Variants in TAOK1 observed in about 807,000 individuals in gnomAD.
TAOK1 encodes the protein TAO kinase 1.
In TAOK1, 21 loss-of-function variants were observed where a neutral mutation model predicts 138.3. That is an observed-to-expected ratio of 0.15 (90% CI 0.11 to 0.22). The LOEUF (loss-of-function observed/expected upper bound fraction) is 0.22, where lower values mean the gene tolerates loss of function less well. TAOK1 is among the 10% of genes least tolerant of loss of function. The pLI, the probability that TAOK1 is intolerant of heterozygous loss-of-function variation, is 1.00. For missense variants in TAOK1, 651 were observed against 1,227.7 expected (o/e 0.53, Z 7.02); for synonymous variants, 361 against 398.4 (o/e 0.91, Z 1.12).
chr17:29,429,141 A>G (rs1047179045), intron 1 of TAOK1, among the ~76,000 whole-genome samples: 3 of 152,132 alleles, frequency 2.0e-5, no homozygotes, highest in African/African-American at 7.2e-5. Context: ...ATGGAAGCAG[A>G]TGGGAAGTAT....
intron 17 of TAOK1, 101 bp from the exon 18 acceptor site, chr17:29,530,306 C>A: frequency 9.3e-7 from 1 of 1,075,892 alleles, no homozygotes; most frequent in East Asian, 2.6e-5. Flanking sequence ...GCTTTCCTCT[C>A]ATTTTTTTCC....
chr17:29,401,372 C>G (rs946499750), intron 1 of TAOK1, among the ~76,000 whole-genome samples: 8 of 152,142 alleles, frequency 5.3e-5, no homozygotes, highest in Admixed American at 2.6e-4. Flanking sequence ...AACTTACAAT[C>G]ATAGCGGAAG....
intron 15 of TAOK1, among the ~76,000 whole-genome samples, chr17:29,516,135 A>G (rs1392724001): frequency 6.8e-6 from 1 of 146,752 alleles, no homozygotes; most frequent in Admixed American, 6.8e-5. Flanking sequence ...CTAATTTTGT[A>G]TTTTTAGTAG....
intron 6 of TAOK1, among the ~76,000 whole-genome samples, chr17:29,479,145 C>CAAA (rs373418404): frequency 3.6e-5 from 3 of 83,032 alleles, no homozygotes; most frequent in Non-Finnish European, 5.3e-5. Context: ...AACTCTGTCT[C>CAAA]AAAAAAAAAA....
At chr17:29,471,276 C>CTTTTT (rs759764241) in intron 3 of TAOK1, among the ~76,000 whole-genome samples, 36 of 81,820 alleles carry the variant, frequency 4.4e-4, no homozygotes, top group Non-Finnish European at 6.1e-4. Context: ...TATTTTCTTT[C>CTTTTT]TTTTTTTTTT....
At position 29,502,738 on chromosome 17, in the gene TAOK1, G is replaced by A. The variant is rs779158207; in HGVS notation, c.1338+15G>A. The A allele has an allele frequency of 1.9e-5, 30 of 1,599,486 alleles. No individual in the cohort carries two copies. The highest frequency in any genetic ancestry group is 1.4e-4 in the South Asian group (12 of 87,616). On this transcript the variant is annotated intron_variant, in intron 13 of 19. Coordinates refer to ENST00000261716, the MANE Select transcript of TAOK1 (RefSeq NM_020791.4). Reference sequence around the variant, plus strand: ...CAGCATCACTGGTATGTACTTACCCGAATTAGAGATAAATATATTTTTCAT... The same window carrying A: ...CAGCATCACTGGTATGTACTTACCCAAATTAGAGATAAATATATTTTTCAT...
chr17:29,516,989 A>AT (rs770682970), intron 15 of TAOK1, among the ~76,000 whole-genome samples: 4,076 of 140,062 alleles, frequency 0.029, 153 homozygotes, highest in African/African-American at 0.095. Context: ...TACCCAGCTA[A>AT]TTTTTTTTTT....
chr17:29,478,912 GGAGTTC>G (rs2031000287), intron 6 of TAOK1, among the ~76,000 whole-genome samples: 1 of 152,178 alleles, frequency 6.6e-6, no homozygotes, highest in Non-Finnish European at 1.5e-5. Flanking sequence ...CTTGAGGTCA[GGAGTTC>G]GAGACCAGCC....
At chr17:29,430,191 G>A (rs1905780186) in intron 1 of TAOK1, among the ~76,000 whole-genome samples, 1 of 152,198 alleles carries the variant, frequency 6.6e-6, no homozygotes, top group Admixed American at 6.5e-5. Flanking sequence ...CGAAAGCAGG[G>A]ATTTATTGAA....
At chr17:29,491,749 G>A (rs370436626) in intron 9 of TAOK1, 35 bp from the exon 10 acceptor site, 20 of 1,434,832 alleles carry the variant, frequency 1.4e-5, no homozygotes, top group East Asian at 2.3e-5. Context: ...AAAGGAAATA[G>A]CAATGTGTTC....
intron 1 of TAOK1, among the ~76,000 whole-genome samples, chr17:29,431,315 G>T (rs973778295): frequency 2.0e-5 from 3 of 152,088 alleles, no homozygotes; most frequent in Non-Finnish European, 4.4e-5. Context: ...GGTGGTGTGT[G>T]CCTGTAGTCT....
Position 29,392,992 on chromosome 17 carries a change from AT to A in TAOK1, c.-95+1977del, listed in dbSNP as rs571199575. Among the ~76,000 whole-genome samples the A allele has an allele frequency of 9.9e-5, 15 of 151,088 alleles. No individual in the cohort carries two copies. The South Asian group carries it at 2.5e-3, about 25-fold the overall frequency. ...AGACATGGTATGTTAAATAAGTTTT[AT>A]TTTTTTTTCTCAGAAGATGGAATTC... On this transcript the variant is annotated intron_variant, in intron 1 of 19. Transcript: ENST00000261716.
chr17:29,484,715 C>T (rs2153027108), intron 8 of TAOK1, among the ~76,000 whole-genome samples: 2 of 152,242 alleles, frequency 1.3e-5, no homozygotes, highest in Admixed American at 1.3e-4. Flanking sequence ...AGGGATTCTC[C>T]TGCCTTAGCC....
intron 1 of TAOK1, among the ~76,000 whole-genome samples, chr17:29,436,360 A>T (rs1012942956): frequency 8.5e-5 from 13 of 152,202 alleles, no homozygotes; most frequent in African/African-American, 2.9e-4. Context: ...TCCAGCCAAA[A>T]GTCAGAAAGG....
chr17:29,488,093 A>G (rs1347795344), intron 8 of TAOK1, among the ~76,000 whole-genome samples: 2 of 152,214 alleles, frequency 1.3e-5, no homozygotes, highest in Non-Finnish European at 2.9e-5. Flanking sequence ...ATATCTCAGA[A>G]TCTTCAGAGG....
In TAOK1 at chr17:29,422,350, C is replaced by A. The variant is rs559255264; in HGVS notation, c.-94-29105C>A. Among the ~76,000 whole-genome samples, 40 of 151,330 alleles carry A rather than the reference C, an allele frequency of 2.6e-4. 1 individual carries two copies. The highest frequency in any genetic ancestry group is 4.9e-4 in the Non-Finnish European group (33 of 67,834). On this transcript the variant is annotated intron_variant, in intron 1 of 19. Coordinates refer to ENST00000261716, the MANE Select transcript of TAOK1 (RefSeq NM_020791.4). ...TCCTGAGTAGCTGGAACTACAGGCACGAGCCACCACACCCAGCTAATTTTT... is the reference window on the plus strand; with the variant it reads ...TCCTGAGTAGCTGGAACTACAGGCAAGAGCCACCACACCCAGCTAATTTTT...
At chr17:29,451,032 G>C (rs1361149152) in intron 1 of TAOK1, among the ~76,000 whole-genome samples, 7 of 152,170 alleles carry the variant, frequency 4.6e-5, no homozygotes, top group Non-Finnish European at 5.9e-5. Context: ...ATGTCTGTTA[G>C]AGTTGATTAG....
At chr17:29,473,074 G>A (rs889254796) in intron 3 of TAOK1, among the ~76,000 whole-genome samples, 3 of 152,122 alleles carry the variant, frequency 2.0e-5, no homozygotes, top group Non-Finnish European at 4.4e-5. Context: ...AATCTCAACC[G>A]TGGCCTTAAA....
rs148192522 is a variant in TAOK1 at position 29,410,316 on chromosome 17, T to C, written c.-95+19292T>C. On this transcript the variant is annotated intron_variant, in intron 1 of 19. Transcript: ENST00000261716. ...CCTAAGCTGGAGCACAATGGCATGA[T>C]CTTGGCTCACCACAACCTCTGCCTC... is the stretch of plus-strand genomic sequence containing the variant. Among the ~76,000 whole-genome samples, 1,203 of 152,304 alleles carry C rather than the reference T, an allele frequency of 7.9e-3. 22 individuals carry two copies. Among genetic ancestry groups the C allele is most frequent in the African/African-American group, 0.027 (1,135 of 41,576 alleles).
Sources: gnomAD v4.1 joint callset for allele counts (sites outside exome capture counted in the v4.1 genomes callset) on GRCh38, gnomAD v4.1.1 for gene constraint, MANE v1.5 for transcripts, NCBI Gene and HGNC (gene_info 2026-07-23, HGNC 2026-07-21) for gene names.